Variants in CFH observed in about 807,000 individuals in gnomAD.
CFH encodes H factor 1 (complement).
In CFH, 53 loss-of-function variants were observed where a neutral mutation model predicts 147.3. The observed-to-expected ratio is 0.36, with a 90% confidence interval of 0.29 to 0.45. CFH has a LOEUF of 0.45. Among genes scored for constraint, CFH ranks in the 20% least tolerant of loss-of-function variants. The pLI, the probability that CFH is intolerant of heterozygous loss-of-function variation, is 1.00. For synonymous variants in CFH, 536 were observed against 489.4 expected, an observed-to-expected ratio of 1.10 and a Z score of -1.26; for missense variants, 1,380 against 1,498.0, an observed-to-expected ratio of 0.92 and a Z score of 1.30.
At chr1:196,676,134 A>C (rs972216992) in intron 4 of CFH, 69 bp downstream of exon 4, 3 of 949,636 alleles carry the variant, frequency 3.2e-6, no homozygotes, top group Non-Finnish European at 4.9e-6. Flanking sequence ...TCTTACATTA[A>C]AATATCTTAA....
intron 17 of CFH, among the ~76,000 whole-genome samples, chr1:196,739,422 A>G (rs962310395): frequency 6.6e-6 from 1 of 152,188 alleles, no homozygotes; most frequent in African/African-American, 2.4e-5. Flanking sequence ...TTATTCTGCC[A>G]GATACCCTAA....
At chr1:196,705,995 T>C (rs1439938330) in intron 9 of CFH, among the ~76,000 whole-genome samples, 1 of 152,130 alleles carries the variant, frequency 6.6e-6, no homozygotes, top group Non-Finnish European at 1.5e-5. Context: ...CAAAATTCCC[T>C]TTAAAAACCT....
intron 9 of CFH, among the ~76,000 whole-genome samples, chr1:196,692,786 CTT>C (rs1440754871): frequency 1.3e-5 from 1 of 77,312 alleles, no homozygotes; most frequent in African/African-American, 7.3e-5. Flanking sequence ...TTCTTTCTTT[CTT>C]TCTTTCTTTC....
At chr1:196,703,758 G>C (rs1668517898) in intron 9 of CFH, among the ~76,000 whole-genome samples, 1 of 151,940 alleles carries the variant, frequency 6.6e-6, no homozygotes, top group African/African-American at 2.4e-5. Context: ...GCTGAGATGG[G>C]CAGATCACAA....
intron 17 of CFH, among the ~76,000 whole-genome samples, chr1:196,737,966 G>A (rs547180443): frequency 1.3e-5 from 2 of 152,164 alleles, no homozygotes; most frequent in East Asian, 3.9e-4. Context: ...TACAAAAAAA[G>A]GTTTAATTGG....
Position 196,741,968 on chromosome 1 carries a change from C to T in CFH, c.3050C>T (p.Thr1017Ile), listed in dbSNP as rs34362004. The T allele has an allele frequency of 6.9e-4, 1,109 of 1,614,172 alleles. 4 individuals carry two copies. The African/African-American group carries it at 0.013, about 19-fold the overall frequency. ...VYKAGEQVTY[T>I]CATYYKMDGA... ...AAGGCGGGTGAGCAAGTGACTTACACTTGTGCAACATATTACAAAATGGAT... is the reference window on the plus strand; with the variant it reads ...AAGGCGGGTGAGCAAGTGACTTACATTTGTGCAACATATTACAAAATGGAT... Residue 1017 changes from threonine (T) to isoleucine (I), a missense_variant, in exon 19 of 22, where the codon ACT (threonine) becomes ATT (isoleucine). By Grantham distance (89) the Thr-to-Ile change is moderately conservative (BLOSUM62 -1). Transcript: ENST00000367429.
chr1:196,670,209 G>A (rs1014089381), intron 1 of CFH, among the ~76,000 whole-genome samples: 4 of 152,140 alleles, frequency 2.6e-5, no homozygotes, highest in African/African-American at 9.7e-5. Context: ...ATGTGGAAGG[G>A]ACTTGCCTTG....
intron 9 of CFH, among the ~76,000 whole-genome samples, chr1:196,702,763 A>G (rs1668491877): frequency 6.6e-6 from 1 of 152,144 alleles, no homozygotes; most frequent in Admixed American, 6.5e-5. Context: ...CTGGGATGGA[A>G]TATAAACACT....
rs116303804 is a variant in CFH, at chr1:196,694,127, C to T, written c.1336+3888C>T. Reference sequence around the variant, plus strand: ...AGGTTGTAAGCCTTGCATGAATTAGCTCTTTGTCCTGATGCTCTCTCTCCC... The same window carrying T: ...AGGTTGTAAGCCTTGCATGAATTAGTTCTTTGTCCTGATGCTCTCTCTCCC... On this transcript the variant is annotated intron_variant, in intron 9 of 21. Transcript: ENST00000367429. Among the ~76,000 whole-genome samples, 830 of 151,224 alleles carry T rather than the reference C, an allele frequency of 5.5e-3. 7 individuals carry two copies. The highest frequency in any genetic ancestry group is 0.018 in the African/African-American group (746 of 41,344).
rs10616982 is a variant in CFH at position 196,666,804 on chromosome 1, CAAA to C, written c.59-6155_59-6153del. ...TGGGGGACAGAGCGAGACTCCGTCT[CAAA>C]AAAAAAAAAAAAAAAAAAGGGTTGC... is the stretch of plus-strand genomic sequence containing the variant. On this transcript the variant is annotated intron_variant, in intron 1 of 21. Coordinates refer to ENST00000367429, the MANE Select transcript of CFH (RefSeq NM_000186.4). Among the ~76,000 whole-genome samples the C allele has an allele frequency of 5.1e-3, 430 of 84,046 alleles. 1 individual carries two copies. Among genetic ancestry groups the C allele is most frequent in the East Asian group, 0.011 (31 of 2,860 alleles). 55.1% of individuals were successfully genotyped at this position (84,046 alleles called of 152,430 possible).
At chr1:196,737,368 T>C in intron 16 of CFH, 107 bp from the exon 17 acceptor site, 1 of 807,970 alleles carries the variant, frequency 1.2e-6, no homozygotes, top group Admixed American at 2.4e-5. Flanking sequence ...AATAATTTTA[T>C]TTGTTCAAAT....
At position 196,689,437 on chromosome 1, in the gene CFH, C is replaced by G; in HGVS notation, c.982C>G (p.Pro328Ala). ...ATTGCAAGTGAAACCTTGTGATTATCCAGACATTAAACATGGAGGTCTATA... is the reference window on the plus strand; with the variant it reads ...ATTGCAAGTGAAACCTTGTGATTATGCAGACATTAAACATGGAGGTCTATA... The part of the protein sequence containing the change: ...PRCTLKPCDY[P>A]DIKHGGLYHE... Residue 328 changes from proline to alanine, a missense_variant, in exon 8 of 22, where the codon CCA becomes GCA. This residue lies in a region of CFH where 167 missense variants were observed against 228.0 expected (regional missense o/e 0.73). Transcript: ENST00000367429. The G allele has an allele frequency of 6.2e-7, 1 of 1,612,674 alleles. No homozygotes were observed. The highest frequency in any genetic ancestry group is 8.5e-7 in the Non-Finnish European group (1 of 1,179,350).
intron 9 of CFH, among the ~76,000 whole-genome samples, chr1:196,712,977 T>C (rs981118933): frequency 2.0e-5 from 3 of 151,980 alleles, no homozygotes; most frequent in African/African-American, 7.2e-5. Flanking sequence ...TAGTATTCCA[T>C]GGTGTATATG....
chr1:196,724,026 C>T (rs1165995880), intron 11 of CFH, among the ~76,000 whole-genome samples: 1 of 151,998 alleles, frequency 6.6e-6, no homozygotes, highest in Non-Finnish European at 1.5e-5. Context: ...AGCCAAACAC[C>T]GCGTCTGCGT....
chr1:196,693,899 A>T (rs1668154456), intron 9 of CFH, among the ~76,000 whole-genome samples: 2 of 152,020 alleles, frequency 1.3e-5, no homozygotes, highest in Non-Finnish European at 2.9e-5. Context: ...GTTTTTATAT[A>T]AACACAAATT....
chr1:196,654,209 C>T (rs1666601678), intron 1 of CFH, among the ~76,000 whole-genome samples: 1 of 152,028 alleles, frequency 6.6e-6, no homozygotes, highest in Non-Finnish European at 1.5e-5. Flanking sequence ...CTGCTTTATT[C>T]AACAGCATAA....
Position 196,726,473 on chromosome 1 carries a change from A to C in CFH, c.1877A>C (p.Gln626Pro). 1.9e-6 allele frequency: 3 copies of C among 1,607,208 alleles called. No individual in the cohort carries two copies. Among genetic ancestry groups the C allele is most frequent in the Non-Finnish European group, 2.6e-6 (3 of 1,174,220 alleles). Residue 626 changes from glutamine (Q) to proline (P), a missense_variant, in exon 13 of 22, where the codon CAA (glutamine) becomes CCA (proline). By Grantham distance (76) the Gln-to-Pro change is moderately conservative. This residue lies in a region of CFH where 830 missense variants were observed against 821.4 expected (regional missense o/e 1.01). Transcript: ENST00000367429. ...LSPDLPICKE[Q>P]VQSCGPPPEL... ...TTACATAGTATTTCTACTATAGAGC[A>C]AGTACAATCATGTGGTCCACCTCCT... is the stretch of plus-strand genomic sequence containing the variant.
intron 5 of CFH, chr1:196,678,639 A>G (rs1215648157): frequency 2.0e-5 from 3 of 152,060 alleles, no homozygotes. Flanking sequence ...CATCCTTACA[A>G]CTAGATTCCT....
At chr1:196,666,932 T>C (rs1466228923) in intron 1 of CFH, among the ~76,000 whole-genome samples, 2 of 152,128 alleles carry the variant, frequency 1.3e-5, no homozygotes, top group East Asian at 1.9e-4. Context: ...TTGAGATTGG[T>C]AGAGATTTGC....
Sources: gnomAD v4.1 joint callset for allele counts (sites outside exome capture counted in the v4.1 genomes callset) on GRCh38, gnomAD v4.1.1 for gene constraint, gnomAD v4.1.1 regional missense constraint, MANE v1.5 for transcripts, NCBI Gene and HGNC (gene_info 2026-07-23, HGNC 2026-07-21) for gene names.